Variants in LRRC28 observed in about 807,000 individuals in gnomAD.
LRRC28 encodes the protein leucine-rich repeat-containing protein 28.
LRRC28 carries 39 observed loss-of-function variants against 45.7 expected under a neutral mutation model. The observed-to-expected ratio is 0.85, with a 90% CI of 0.66 to 1.12. The LOEUF (loss-of-function observed/expected upper bound fraction) is 1.12. Among genes scored for constraint, LRRC28 ranks in the 50% most tolerant of loss-of-function variants. The pLI, the probability that LRRC28 is intolerant of heterozygous loss-of-function variation, is 0.00. For missense variants in LRRC28, 435 were observed against 438.5 expected, an observed-to-expected ratio of 0.99 and a Z score of 0.07; for synonymous variants, 206 against 178.8, an observed-to-expected ratio of 1.15 and a Z score of -1.22.
intron 6 of LRRC28, chr15:99,338,522 G>C (rs1956402062): frequency 6.6e-6 from 1 of 152,186 alleles, no homozygotes; most frequent in Non-Finnish European, 1.5e-5. Context: ...GAAGGCTCCT[G>C]TGTTCTAAGA....
chr15:99,274,779 A>G (rs1597205086), intron 2 of LRRC28, among the ~76,000 whole-genome samples: 1 of 152,188 alleles, frequency 6.6e-6, no homozygotes, highest in Non-Finnish European at 1.5e-5. Context: ...TTATAGCAGA[A>G]TGGATTGTAT....
At chr15:99,274,701 T>C (rs1030982768) in intron 2 of LRRC28, among the ~76,000 whole-genome samples, 2 of 152,260 alleles carry the variant, frequency 1.3e-5, no homozygotes, top group African/African-American at 2.4e-5. Flanking sequence ...AGTTTTTCTA[T>C]TGACATGATT....
intron 5 of LRRC28, among the ~76,000 whole-genome samples, chr15:99,309,877 G>A (rs1413160045): frequency 6.6e-6 from 1 of 152,198 alleles, no homozygotes. Flanking sequence ...AGCTAATAAG[G>A]TGGTGAAGAA....
chr15:99,382,330 C>G (rs978286314), intron 9 of LRRC28, among the ~76,000 whole-genome samples: 1 of 152,244 alleles, frequency 6.6e-6, no homozygotes, highest in Admixed American at 6.5e-5. Context: ...CCCTCCCAGC[C>G]AGGCATGGGA....
At chr15:99,263,470 A>C (rs1001985506) in intron 2 of LRRC28, among the ~76,000 whole-genome samples, 7 of 152,340 alleles carry the variant, frequency 4.6e-5, no homozygotes, top group Middle Eastern at 3.4e-3. Context: ...AGATAAATAG[A>C]TATTAGAAGT....
intron 5 of LRRC28, among the ~76,000 whole-genome samples, chr15:99,312,806 A>T (rs930831124): frequency 1.3e-5 from 2 of 152,184 alleles, no homozygotes; most frequent in Non-Finnish European, 2.9e-5. Context: ...TCTGCGGTCT[A>T]TTGTTGACCA....
At chr15:99,282,932 C>T (rs2081847403) in intron 3 of LRRC28, among the ~76,000 whole-genome samples, 2 of 151,856 alleles carry the variant, frequency 1.3e-5, no homozygotes, top group Admixed American at 6.6e-5. Context: ...TCGCTCTTGT[C>T]GCTCAGGCTG....
chr15:99,287,261 C>T lies in LRRC28; in HGVS notation c.214C>T (p.Leu72=). 6.4e-7 allele frequency: 1 copy of T among 1,570,506 alleles called. No homozygotes were observed. The highest frequency in any genetic ancestry group is 1.2e-5 in the South Asian group (1 of 81,656). The change falls in exon 4 of 10, where the codon CTG becomes TTG. Residue 72 remains leucine (L), a synonymous_variant. Coordinates refer to ENST00000301981, the MANE Select transcript of LRRC28 (RefSeq NM_144598.5). ...QKLPNLVELY[L]HSNNIVVVPE... ...TTTTTTCTTTTTCCTTCCTAGATACCTGCACTCAAATAACATAGTTGTGGT... is the reference window on the plus strand; with the variant it reads ...TTTTTTCTTTTTCCTTCCTAGATACTTGCACTCAAATAACATAGTTGTGGT...
chr15:99,387,087 G>A lies in LRRC28; in HGVS notation c.*985G>A, dbSNP rs564171216. On this transcript the variant is annotated 3_prime_UTR_variant, in exon 10 of 10. Coordinates refer to ENST00000301981, the MANE Select transcript of LRRC28 (RefSeq NM_144598.5). Reference sequence around the variant, plus strand: ...TTTTTTTTGTTGTTGTTGAGACGGAGTCTCGCTCTGTCGCCCAGGCTGGAG... The same window carrying A: ...TTTTTTTTGTTGTTGTTGAGACGGAATCTCGCTCTGTCGCCCAGGCTGGAG... 2.6e-5 allele frequency: 4 copies of A among 151,596 alleles called. No homozygotes were observed. The highest frequency in any genetic ancestry group is 5.9e-5 in the Non-Finnish European group (4 of 67,858). The allele number at this position is 151,596 out of a possible 1,614,324, so 9.4% of individuals were successfully genotyped here.
chr15:99,353,166 G>T (rs12591362), intron 7 of LRRC28, among the ~76,000 whole-genome samples: 15 of 152,094 alleles, frequency 9.9e-5, no homozygotes, highest in African/African-American at 3.4e-4. Context: ...TTAAGATGGG[G>T]CCACTCAACC....
At chr15:99,301,827 T>C (rs1954980013) in intron 5 of LRRC28, among the ~76,000 whole-genome samples, 1 of 152,186 alleles carries the variant, frequency 6.6e-6, no homozygotes, top group African/African-American at 2.4e-5. Flanking sequence ...CAGAAACATA[T>C]GTAAAATTAT....
rs552892065 is a variant in LRRC28, at chr15:99,364,780, A to G, written c.1031+1515A>G. On this transcript the variant is annotated intron_variant, in intron 9 of 9. Coordinates refer to ENST00000301981, the MANE Select transcript of LRRC28 (RefSeq NM_144598.5). ...AGAATTAAATGTGATCATCCCTGTGAAGAGCCCAGGATGGTGTCTGGCAAG... is the reference window on the plus strand; with the variant it reads ...AGAATTAAATGTGATCATCCCTGTGGAGAGCCCAGGATGGTGTCTGGCAAG... 3.3e-5 allele frequency among the ~76,000 whole-genome samples: 5 copies of G among 152,324 alleles called. No homozygotes were observed. The South Asian group carries it at 1.0e-3, about 32-fold the overall frequency.
chr15:99,366,561 G>A (rs574222878), intron 9 of LRRC28, among the ~76,000 whole-genome samples: 1 of 152,296 alleles, frequency 6.6e-6, no homozygotes, highest in African/African-American at 2.4e-5. Flanking sequence ...TTGCGTTCTG[G>A]TGAGGGCTCT....
intron 9 of LRRC28, among the ~76,000 whole-genome samples, chr15:99,376,648 T>C (rs1957643895): frequency 6.6e-6 from 1 of 152,186 alleles, no homozygotes. Context: ...ACTCATTATT[T>C]ACATTAGGTA....
At chr15:99,377,302 A>G (rs1198812570) in intron 9 of LRRC28, among the ~76,000 whole-genome samples, 1 of 151,868 alleles carries the variant, frequency 6.6e-6, no homozygotes, top group African/African-American at 2.4e-5. Context: ...GCCAGTGATG[A>G]TGAGCATTTT....
intron 3 of LRRC28, chr15:99,284,826 C>T (rs901563566): frequency 3.6e-6 from 2 of 549,638 alleles, no homozygotes; most frequent in Non-Finnish European, 7.1e-6. Context: ...TCCAGAATTG[C>T]TTCCATCATT....
chr15:99,363,546 C>A (rs1323845749), intron 9 of LRRC28, among the ~76,000 whole-genome samples: 1 of 152,162 alleles, frequency 6.6e-6, no homozygotes, highest in Non-Finnish European at 1.5e-5. Context: ...TCCCTATTCA[C>A]AGTAGCCTTT....
At chr15:99,286,943 A>G (rs893018636) in intron 3 of LRRC28, 13 of 204,906 alleles carry the variant, frequency 6.3e-5, no homozygotes, top group Non-Finnish European at 1.9e-5. Flanking sequence ...GAATAAAATG[A>G]ACTGGAAAAA....
intron 5 of LRRC28, among the ~76,000 whole-genome samples, chr15:99,330,400 T>G (rs1956122191): frequency 1.3e-5 from 2 of 152,322 alleles, no homozygotes; most frequent in East Asian, 1.9e-4. Context: ...GTTTTTTGCT[T>G]TATATAATGT....
Sources: allele counts gnomAD v4.1 joint callset (sites outside exome capture counted in the v4.1 genomes callset), GRCh38; gene constraint gnomAD v4.1.1; transcripts MANE v1.5; gene names NCBI Gene and HGNC (gene_info 2026-07-23, HGNC 2026-07-21).